The following ELAVL4 variants were observed in gnomAD, a reference collection of about 807,000 sequenced individuals.
ELAVL4 encodes ELAV like RNA binding protein 4.
In ELAVL4, 1 loss-of-function variant was observed where a neutral mutation model predicts 35.6. The ratio of observed to expected loss-of-function variants is 0.03; its 90% CI spans 0.01 to 0.13. The LOEUF is 0.13. Among genes scored for constraint, ELAVL4 ranks in the 10% least tolerant of loss-of-function variants. ELAVL4 has a pLI of 1.00. For synonymous variants in ELAVL4, 156 were observed against 171.0 expected, an observed-to-expected ratio of 0.91 and a Z score of 0.69; for missense variants, 267 against 464.9, an observed-to-expected ratio of 0.57 and a Z score of 3.91.
At chr1:50,103,363 G>A (rs76220093), upstream of ELAVL4, among the ~76,000 whole-genome samples, 37 of 152,144 alleles carry the variant, frequency 2.4e-4, no homozygotes, top group East Asian at 7.0e-3. Flanking sequence ...TCAGTCTGGT[G>A]CATCTTTCTT....
intron 1 of ELAVL4, among the ~76,000 whole-genome samples, chr1:50,128,683 G>A (rs1050673541): frequency 1.3e-5 from 2 of 152,094 alleles, no homozygotes; most frequent in African/African-American, 4.8e-5. Context: ...ATGGCAGAGA[G>A]AGGAGGGCTT....
intron 3 of ELAVL4, among the ~76,000 whole-genome samples, chr1:50,189,151 C>A (rs1032317351): frequency 6.6e-6 from 1 of 152,166 alleles, no homozygotes; most frequent in Non-Finnish European, 1.5e-5. Flanking sequence ...CTCATTGCAC[C>A]CAACATGCCT....
chr1:50,101,210 G>A (rs920401340), upstream of ELAVL4, among the ~76,000 whole-genome samples: 1 of 152,104 alleles, frequency 6.6e-6, no homozygotes, highest in Non-Finnish European at 1.5e-5. Context: ...GCACTACTTG[G>A]AAATAAGGAC....
intron 1 of ELAVL4, among the ~76,000 whole-genome samples, chr1:50,121,030 CTCT>C (rs1668944721): frequency 6.6e-6 from 1 of 152,072 alleles, no homozygotes; most frequent in Non-Finnish European, 1.5e-5. Flanking sequence ...GTCAAATCCT[CTCT>C]TACTTCAATG....
At chr1:50,194,896 C>T (rs552542839) in intron 4 of ELAVL4, among the ~76,000 whole-genome samples, 1 of 152,172 alleles carries the variant, frequency 6.6e-6, no homozygotes, top group South Asian at 2.1e-4. Context: ...GGCATGGAAT[C>T]GAGGAAGAAC....
intron 1 of ELAVL4, among the ~76,000 whole-genome samples, chr1:50,080,678 T>C (rs1664969187): frequency 6.6e-6 from 1 of 152,188 alleles, no homozygotes; most frequent in African/African-American, 2.4e-5. Context: ...GGCATGTCGT[T>C]TCCTTTCTGC....
intron 3 of ELAVL4, among the ~76,000 whole-genome samples, chr1:50,193,407 T>C (rs17385058): frequency 0.052 from 7,910 of 151,480 alleles, 271 homozygotes; most frequent in Non-Finnish European, 0.082. Context: ...TTATTATGTG[T>C]TGGATACAGT....
At chr1:50,121,091 G>T (rs1358952101) in intron 1 of ELAVL4, among the ~76,000 whole-genome samples, 1 of 152,038 alleles carries the variant, frequency 6.6e-6, no homozygotes, top group African/African-American at 2.4e-5. Flanking sequence ...GAATTAGGTT[G>T]TCATAATATG....
chr1:50,133,015 T>A (rs1671125131), intron 1 of ELAVL4, among the ~76,000 whole-genome samples: 1 of 152,216 alleles, frequency 6.6e-6, no homozygotes, highest in Admixed American at 6.5e-5. Flanking sequence ...TCTCACATTA[T>A]AAAAACCCAT....
chr1:50,083,634 G>C (rs1202574317), intron 1 of ELAVL4, among the ~76,000 whole-genome samples: 2 of 152,174 alleles, frequency 1.3e-5, no homozygotes, highest in South Asian at 4.2e-4. Flanking sequence ...ATAAAATTTG[G>C]GGAGAAAACT....
intron 2 of ELAVL4, among the ~76,000 whole-genome samples, chr1:50,149,427 GAC>G (rs200279648): frequency 0.02 from 3,099 of 151,270 alleles, 34 homozygotes; most frequent in Non-Finnish European, 0.031. Flanking sequence ...ATCAGTGTAA[GAC>G]AACAAACAGT....
At chr1:50,144,032 T>C (rs1673261888) in intron 1 of ELAVL4, among the ~76,000 whole-genome samples, 1 of 152,152 alleles carries the variant, frequency 6.6e-6, no homozygotes, top group African/African-American at 2.4e-5. Flanking sequence ...TAAATCTCCC[T>C]ATCCTATAAG....
chr1:50,161,308 T>C (rs985699775), intron 2 of ELAVL4, among the ~76,000 whole-genome samples: 23 of 152,216 alleles, frequency 1.5e-4, no homozygotes, highest in African/African-American at 5.5e-4. Flanking sequence ...TTTCCTGTCT[T>C]GTAAGAATAT....
At chr1:50,122,145 G>C (rs898923035) in intron 1 of ELAVL4, among the ~76,000 whole-genome samples, 2 of 151,962 alleles carry the variant, frequency 1.3e-5, no homozygotes, top group Non-Finnish European at 2.9e-5. Flanking sequence ...TTTGAACCCA[G>C]ATTTGTCTGA....
chr1:50,134,750 A>G (rs1340169123), intron 1 of ELAVL4, among the ~76,000 whole-genome samples: 1 of 152,164 alleles, frequency 6.6e-6, no homozygotes, highest in East Asian at 1.9e-4. Flanking sequence ...ACGTTCCCTC[A>G]TCTTTATAAT....
At chr1:50,114,232 A>G (rs1002378972) in intron 1 of ELAVL4, among the ~76,000 whole-genome samples, 1 of 152,024 alleles carries the variant, frequency 6.6e-6, no homozygotes, top group African/African-American at 2.4e-5. Context: ...GGATATGTGT[A>G]TATGTATGGG....
chr1:50,103,914 G>A, upstream of ELAVL4: 3 of 1,613,034 alleles, frequency 1.9e-6, no homozygotes. Flanking sequence ...GGCTCAGTCT[G>A]ACTTGGAGTT....
intron 1 of ELAVL4, among the ~76,000 whole-genome samples, chr1:50,086,032 T>A (rs1043262854): frequency 6.6e-6 from 1 of 152,350 alleles, no homozygotes; most frequent in South Asian, 2.1e-4. Flanking sequence ...TGTTTTGTAA[T>A]ACATTTATGT....
intron 1 of ELAVL4, among the ~76,000 whole-genome samples, chr1:50,126,999 C>G (rs1464872717): frequency 6.6e-6 from 1 of 151,922 alleles, no homozygotes; most frequent in African/African-American, 2.4e-5. Flanking sequence ...ATCTTGATGG[C>G]TACACTCATC....
Sources: gnomAD v4.1 joint callset for allele counts (sites outside exome capture counted in the v4.1 genomes callset) on GRCh38, gnomAD v4.1.1 for gene constraint, MANE v1.5 for transcripts, NCBI Gene and HGNC (gene_info 2026-07-23, HGNC 2026-07-21) for gene names.